Variants in SGCD observed in about 807,000 individuals in gnomAD.
SGCD encodes the protein delta-sarcoglycan.
SGCD carries 18 observed loss-of-function variants against 36.6 expected under a neutral mutation model. That is an observed-to-expected ratio of 0.49 (90% CI 0.34 to 0.73). The LOEUF (loss-of-function observed/expected upper bound fraction) is 0.73. Among genes scored for constraint, SGCD ranks in the 30% least tolerant of loss-of-function variants. The probability of loss-of-function intolerance (pLI) is 0.01; values close to 1 mark genes in which losing one functional copy is unlikely to be tolerated. For synonymous variants in SGCD, 133 were observed against 130.6 expected, an observed-to-expected ratio of 1.02 and a Z score of -0.12; for missense variants, 387 against 346.7, an observed-to-expected ratio of 1.12 and a Z score of -0.92.
chr5:156,367,460 G>A (rs1397897056), intron 3 of SGCD, among the ~76,000 whole-genome samples: 1 of 152,196 alleles, frequency 6.6e-6, no homozygotes, highest in Non-Finnish European at 1.5e-5. Context: ...AAAAATAATA[G>A]GCAGAAAGCA....
intron 3 of SGCD, among the ~76,000 whole-genome samples, chr5:156,392,632 T>C (rs905105116): frequency 1.3e-5 from 2 of 152,198 alleles, no homozygotes; most frequent in Non-Finnish European, 2.9e-5. Context: ...ATCCCAGGGT[T>C]CTTGCCTTGG....
intron 7 of SGCD, among the ~76,000 whole-genome samples, chr5:156,745,627 C>T (rs1157462871): frequency 6.6e-6 from 1 of 152,028 alleles, no homozygotes; most frequent in Middle Eastern, 3.2e-3. Context: ...CCCACAGAGG[C>T]TTCAGTTATG....
At chr5:156,050,166 A>C (rs1759878757) in intron 1 of SGCD, among the ~76,000 whole-genome samples, 1 of 146,590 alleles carries the variant, frequency 6.8e-6, no homozygotes, top group Non-Finnish European at 1.5e-5. Context: ...GCCATAGAGA[A>C]ATCTTTCACG....
Position 156,056,881 on chromosome 5 carries a change from C to G in SGCD, c.-281-60997C>G, listed in dbSNP as rs1010252239. Among the ~76,000 whole-genome samples, 7 of 145,688 alleles carry G rather than the reference C, an allele frequency of 4.8e-5. 1 individual carries two copies. The highest frequency in any genetic ancestry group is 9.3e-5 in the Non-Finnish European group (6 of 64,760). On this transcript the variant is annotated intron_variant, in intron 1 of 9. Coordinates refer to the SGCD transcript ENST00000517913. ...AGTACTTTATGAATCCTCTTGTTGC[C>G]TTATCTGTGGCAAGCGATGACTGAT...
At chr5:156,205,313 C>T (rs1249598018) in intron 3 of SGCD, among the ~76,000 whole-genome samples, 1 of 151,996 alleles carries the variant, frequency 6.6e-6, no homozygotes, top group African/African-American at 2.4e-5. Context: ...CAAACTAATA[C>T]AGGTTACAGT....
chr5:156,232,947 C>G (rs1765057630), intron 3 of SGCD, among the ~76,000 whole-genome samples: 1 of 152,146 alleles, frequency 6.6e-6, no homozygotes, highest in Non-Finnish European at 1.5e-5. Context: ...AAACAAGTGC[C>G]TTTTAACTCA....
intron 4 of SGCD, among the ~76,000 whole-genome samples, chr5:156,572,187 T>G (rs1025193926): frequency 1.3e-5 from 2 of 152,250 alleles, no homozygotes; most frequent in African/African-American, 2.4e-5. Context: ...TTGATTATTA[T>G]GAATAGTGCT....
At chr5:156,513,046 G>T (rs1162392055) in intron 4 of SGCD, among the ~76,000 whole-genome samples, 1 of 151,958 alleles carries the variant, frequency 6.6e-6, no homozygotes, top group Non-Finnish European at 1.5e-5. Flanking sequence ...ACAGAGAACA[G>T]AATAGAGAAT....
intron 6 of SGCD, among the ~76,000 whole-genome samples, chr5:156,612,882 C>T (rs553373987): frequency 6.6e-6 from 1 of 152,332 alleles, no homozygotes; most frequent in Admixed American, 6.5e-5. Context: ...CTGCATGACT[C>T]AACTCCCCAA....
intron 3 of SGCD, among the ~76,000 whole-genome samples, chr5:156,188,317 C>A (rs1024213541): frequency 6.6e-6 from 1 of 151,986 alleles, no homozygotes; most frequent in Non-Finnish European, 1.5e-5. Context: ...AAATAATAAA[C>A]CTAATAACAA....
chr5:155,994,863 G>T (rs1758507373), intron 1 of SGCD, among the ~76,000 whole-genome samples: 1 of 152,134 alleles, frequency 6.6e-6, no homozygotes, highest in Admixed American at 6.5e-5. Flanking sequence ...TGAGCATGTG[G>T]CTGGATTCAG....
chr5:156,070,852 A>G (rs1314500697), intron 1 of SGCD, among the ~76,000 whole-genome samples: 4 of 152,136 alleles, frequency 2.6e-5, no homozygotes, highest in Non-Finnish European at 4.4e-5. Context: ...TTCCTGGTTT[A>G]GTCTTGGGAG....
chr5:155,961,369 T>A (rs1476699395), intron 1 of SGCD, among the ~76,000 whole-genome samples: 5 of 152,130 alleles, frequency 3.3e-5, no homozygotes, highest in Non-Finnish European at 7.4e-5. Context: ...AGTATTTACA[T>A]TTCTCATTTT....
intron 1 of SGCD, among the ~76,000 whole-genome samples, chr5:156,115,806 C>T (rs1000649169): frequency 2.0e-4 from 30 of 152,122 alleles, no homozygotes; most frequent in Middle Eastern, 6.8e-3. Flanking sequence ...CTGGATGTTG[C>T]CAATTTCATC....
At chr5:155,905,470 C>A (rs982061879) in intron 1 of SGCD, among the ~76,000 whole-genome samples, 2 of 152,084 alleles carry the variant, frequency 1.3e-5, no homozygotes, top group Admixed American at 6.6e-5. Flanking sequence ...ACCTGATGAC[C>A]TGAAAGGGAA....
the SGCD span, among the ~76,000 whole-genome samples, chr5:155,804,738 T>C: frequency 3.3e-3 from 509 of 152,348 alleles, 9 homozygotes; most frequent in Non-Finnish European, 4.7e-4. Flanking sequence ...GAAAGAGGAA[T>C]TTTCGGAAAG....
At chr5:156,293,872 A>G (rs1468935891) in intron 3 of SGCD, among the ~76,000 whole-genome samples, 1 of 152,166 alleles carries the variant, frequency 6.6e-6, no homozygotes, top group African/African-American at 2.4e-5. Context: ...AGAAAAAGAT[A>G]TTCTTGAAAT....
chr5:156,036,143 T>C (rs1459558675), intron 1 of SGCD, among the ~76,000 whole-genome samples: 2 of 152,092 alleles, frequency 1.3e-5, no homozygotes, highest in African/African-American at 2.4e-5. Flanking sequence ...AGAATTGAGA[T>C]TGTCACTAAA....
intron 1 of SGCD, among the ~76,000 whole-genome samples, chr5:156,105,813 T>C (rs1761631749): frequency 6.6e-6 from 1 of 151,852 alleles, no homozygotes; most frequent in African/African-American, 2.4e-5. Context: ...CTTAGGACTG[T>C]GAAAAGAAAG....
Sources: allele counts gnomAD v4.1 joint callset (sites outside exome capture counted in the v4.1 genomes callset), GRCh38; gene constraint gnomAD v4.1.1; transcripts MANE v1.5; gene names NCBI Gene and HGNC (gene_info 2026-07-23, HGNC 2026-07-21).